The following ZFAND3 variants were observed in gnomAD, a reference collection of about 807,000 sequenced individuals.
The protein encoded by ZFAND3 is AN1-type zinc finger protein 3.
In ZFAND3, 10 loss-of-function variants were observed where a neutral mutation model predicts 29.6. That is an observed-to-expected ratio of 0.34 (90% CI 0.21 to 0.57). The LOEUF is 0.57. Ranked by LOEUF, ZFAND3 falls within the 20% of genes least tolerant of loss-of-function variation. The pLI, the probability that ZFAND3 is intolerant of heterozygous loss-of-function variation, is 0.86. For missense variants in ZFAND3, 230 were observed against 304.5 expected, an observed-to-expected ratio of 0.76 and a Z score of 1.82; for synonymous variants, 128 against 112.6, an observed-to-expected ratio of 1.14 and a Z score of -0.87.
intron 1 of ZFAND3, among the ~76,000 whole-genome samples, chr6:37,911,631 T>C (rs1561931287): frequency 6.6e-6 from 1 of 152,204 alleles, no homozygotes; most frequent in South Asian, 2.1e-4. Flanking sequence ...GCAGTCAACA[T>C]AGATTTTATA....
chr6:38,000,957 G>A (rs1762937499), intron 2 of ZFAND3, among the ~76,000 whole-genome samples: 1 of 152,064 alleles, frequency 6.6e-6, no homozygotes, highest in Non-Finnish European at 1.5e-5. Context: ...CTTTTTAGAA[G>A]TAGAAATATT....
chr6:38,118,397 C>T (rs535070187), intron 5 of ZFAND3, among the ~76,000 whole-genome samples: 4 of 152,246 alleles, frequency 2.6e-5, no homozygotes, highest in African/African-American at 9.6e-5. Flanking sequence ...TTGAGCAGTT[C>T]AGTCTGTTAC....
chr6:38,130,078 T>TG (rs1397034001), intron 5 of ZFAND3, among the ~76,000 whole-genome samples: 1 of 152,022 alleles, frequency 6.6e-6, no homozygotes, highest in Non-Finnish European at 1.5e-5. Context: ...TGATGGTTTT[T>TG]TTTGTTTGTT....
intron 2 of ZFAND3, among the ~76,000 whole-genome samples, chr6:38,055,737 T>G (rs1190784788): frequency 6.6e-6 from 1 of 152,196 alleles, no homozygotes; most frequent in Non-Finnish European, 1.5e-5. Flanking sequence ...ATTATGAAAT[T>G]AGAAATTCAC....
At chr6:37,991,344 T>A (rs1209586424) in intron 2 of ZFAND3, among the ~76,000 whole-genome samples, 1 of 151,844 alleles carries the variant, frequency 6.6e-6, no homozygotes, top group Non-Finnish European at 1.5e-5. Flanking sequence ...ATTTATTTTA[T>A]TATTTATTAT....
At chr6:37,914,797 G>T (rs534303075) in intron 1 of ZFAND3, among the ~76,000 whole-genome samples, 7 of 151,606 alleles carry the variant, frequency 4.6e-5, no homozygotes, top group Admixed American at 1.3e-4. Flanking sequence ...TACCGTGCCT[G>T]GCCAGGTGTG....
intron 2 of ZFAND3, among the ~76,000 whole-genome samples, chr6:37,971,831 G>GAAAAAA (rs5875604): frequency 8.5e-6 from 1 of 117,894 alleles, no homozygotes. Flanking sequence ...TGTACAAAAT[G>GAAAAAA]AAAAAAAAAA....
chr6:37,875,814 A>G (rs1764783008), intron 1 of ZFAND3, among the ~76,000 whole-genome samples: 1 of 148,272 alleles, frequency 6.7e-6, no homozygotes, highest in East Asian at 2.0e-4. Flanking sequence ...ATGCACAACC[A>G]TGCCTGGTTA....
intron 1 of ZFAND3, among the ~76,000 whole-genome samples, chr6:37,896,602 C>G (rs1189472895): frequency 8.4e-6 from 1 of 118,640 alleles, no homozygotes; most frequent in Non-Finnish European, 1.8e-5. Flanking sequence ...TTTTCTTTCT[C>G]TCTCTCTTTC....
chr6:38,015,098 G>A (rs1375594533), intron 2 of ZFAND3, among the ~76,000 whole-genome samples: 1 of 152,040 alleles, frequency 6.6e-6, no homozygotes, highest in African/African-American at 2.4e-5. Flanking sequence ...TGTTTCTCTT[G>A]TTATCTAGAA....
At chr6:37,931,936 G>C (rs1364871220) in intron 2 of ZFAND3, among the ~76,000 whole-genome samples, 1 of 152,126 alleles carries the variant, frequency 6.6e-6, no homozygotes, top group Non-Finnish European at 1.5e-5. Context: ...AATATTGGTG[G>C]GTTTTTATTC....
At chr6:37,944,603 A>G (rs976312198) in intron 2 of ZFAND3, among the ~76,000 whole-genome samples, 1 of 152,242 alleles carries the variant, frequency 6.6e-6, no homozygotes, top group African/African-American at 2.4e-5. Context: ...TTCTTTTGTG[A>G]TGACTGAGGT....
At chr6:38,001,371 T>C (rs1371255627) in intron 2 of ZFAND3, among the ~76,000 whole-genome samples, 1 of 152,204 alleles carries the variant, frequency 6.6e-6, no homozygotes, top group Non-Finnish European at 1.5e-5. Flanking sequence ...CCTGAAATCA[T>C]AGTTAGGACT....
At chr6:37,976,509 C>T (rs1331747630) in intron 2 of ZFAND3, among the ~76,000 whole-genome samples, 3 of 146,156 alleles carry the variant, frequency 2.1e-5, no homozygotes, top group South Asian at 2.2e-4. Flanking sequence ...ACTTGAGCCC[C>T]GGAAGTAGAG....
In ZFAND3 at chr6:37,953,208, C is replaced by T. The variant is rs111291586; in HGVS notation, c.112+23209C>T. On this transcript the variant is annotated intron_variant, in intron 2 of 5. Coordinates refer to ENST00000287218, the MANE Select transcript of ZFAND3 (RefSeq NM_021943.3). ...CCCATCTCTTCTTTTTTTCTTCTTT[C>T]CCTGCTGTCTTTTCAATTAGTTGAA... Among the ~76,000 whole-genome samples, 71 of 151,388 alleles carry T rather than the reference C, an allele frequency of 4.7e-4. 1 individual carries two copies. Among genetic ancestry groups the T allele is most frequent in the African/African-American group, 9.5e-4 (39 of 41,252 alleles).
chr6:37,905,627 G>T (rs187684391), intron 1 of ZFAND3, among the ~76,000 whole-genome samples: 1 of 152,100 alleles, frequency 6.6e-6, no homozygotes, highest in South Asian at 2.1e-4. Context: ...TTTTTAAAAT[G>T]TGGCATATTC....
chr6:38,090,169 T>A (rs962831439), intron 4 of ZFAND3, among the ~76,000 whole-genome samples: 1 of 152,208 alleles, frequency 6.6e-6, no homozygotes, highest in African/African-American at 2.4e-5. Flanking sequence ...TAGCTTCGGG[T>A]GTGAGTTCAA....
chr6:37,893,376 A>G (rs1486182635), intron 1 of ZFAND3, among the ~76,000 whole-genome samples: 4 of 152,254 alleles, frequency 2.6e-5, no homozygotes, highest in South Asian at 4.1e-4. Context: ...TTTATGAAAC[A>G]ACACTTTTGA....
At chr6:38,004,400 T>G (rs1763006690) in intron 2 of ZFAND3, among the ~76,000 whole-genome samples, 1 of 151,936 alleles carries the variant, frequency 6.6e-6, no homozygotes, top group Non-Finnish European at 1.5e-5. Context: ...TCTTTTAAAT[T>G]TTTCTTTTCT....
Sources: gnomAD v4.1 joint callset for allele counts (sites outside exome capture counted in the v4.1 genomes callset) on GRCh38, gnomAD v4.1.1 for gene constraint, MANE v1.5 for transcripts, NCBI Gene and HGNC (gene_info 2026-07-23, HGNC 2026-07-21) for gene names.